The following NTNG1 variants were observed in gnomAD, a reference collection of about 807,000 sequenced individuals.
NTNG1 encodes netrin-G1.
A neutral mutation model predicts 54.0 loss-of-function variants in NTNG1; 16 were observed. The observed-to-expected ratio is 0.30, with a 90% confidence interval of 0.20 to 0.45. NTNG1 has a LOEUF of 0.45. Ranked by LOEUF, NTNG1 falls within the 20% of genes least tolerant of loss-of-function variation. NTNG1 has a pLI of 1.00. For synonymous variants in NTNG1, 255 were observed against 263.1 expected (o/e 0.97, Z 0.30); for missense variants, 530 against 678.7 (o/e 0.78, Z 2.43).
intron 2 of NTNG1, among the ~76,000 whole-genome samples, chr1:107,306,456 G>A (rs962745378): frequency 2.0e-5 from 3 of 152,148 alleles, no homozygotes; most frequent in Non-Finnish European, 1.5e-5. Context: ...CATGACAAAA[G>A]AGTGGAAGTG....
chr1:107,155,316 C>T (rs761856720), intron 2 of NTNG1, among the ~76,000 whole-genome samples: 2 of 151,976 alleles, frequency 1.3e-5, no homozygotes, highest in East Asian at 1.9e-4. Context: ...TGGCATAGTC[C>T]GTGCTCTTCT....
At chr1:107,184,436 C>T (rs550176693) in intron 2 of NTNG1, among the ~76,000 whole-genome samples, 3 of 152,170 alleles carry the variant, frequency 2.0e-5, no homozygotes, top group Middle Eastern at 3.4e-3. Context: ...AGTAAATGGC[C>T]GGTTGTTGCC....
chr1:107,273,067 TG>T (rs756137002), intron 2 of NTNG1, among the ~76,000 whole-genome samples: 48 of 152,348 alleles, frequency 3.2e-4, no homozygotes, highest in Non-Finnish European at 5.9e-4. Flanking sequence ...AGGAATCAAA[TG>T]CATATCTATT....
chr1:107,316,638 T>C (rs1015200998), intron 2 of NTNG1, among the ~76,000 whole-genome samples: 1 of 152,210 alleles, frequency 6.6e-6, no homozygotes, highest in Non-Finnish European at 1.5e-5. Context: ...CATTGAATTA[T>C]GTACCAAGAG....
intron 2 of NTNG1, among the ~76,000 whole-genome samples, chr1:107,227,657 G>GTCTC (rs1217808636): frequency 1.4e-5 from 2 of 141,364 alleles, no homozygotes; most frequent in Non-Finnish European, 3.0e-5. Context: ...TTCTCAATCT[G>GTCTC]TCTCTCTCGC....
Position 107,480,750 on chromosome 1 carries a change from C to T in NTNG1, c.1530C>T (p.Ser510=), listed in dbSNP as rs1267600585. 9 of 1,607,874 alleles carry T rather than the reference C, an allele frequency of 5.6e-6. No homozygotes were observed. Among genetic ancestry groups the T allele is most frequent in the Admixed American group, 1.7e-5 (1 of 59,706 alleles). The change falls in exon 8 of 8, where the codon TCC becomes TCT. Residue 510 remains serine, a synonymous_variant. Transcript: ENST00000370068. The part of the protein sequence containing the change: ...LRCEEAGSCG[S]DSGQGAPPHG... ...GCGAGGAGGCTGGCAGCTGCGGCTC[C>T]GACTCTGGCCAGGGCGCGCCCCCGC...
chr1:107,418,176 G>A (rs1350102317), intron 5 of NTNG1, among the ~76,000 whole-genome samples: 1 of 151,998 alleles, frequency 6.6e-6, no homozygotes, highest in African/African-American at 2.4e-5. Flanking sequence ...AATGCAACCA[G>A]TTCATATCTG....
At chr1:107,216,584 C>T (rs10881457) in intron 2 of NTNG1, among the ~76,000 whole-genome samples, 142,567 of 152,192 alleles carry the variant, frequency 0.94, 67,434 homozygotes, top group East Asian at 1. Flanking sequence ...TTTAGGTTCA[C>T]CAGGGATATT....
intron 2 of NTNG1, among the ~76,000 whole-genome samples, chr1:107,286,323 C>T (rs1037361062): frequency 2.0e-5 from 3 of 152,134 alleles, no homozygotes; most frequent in African/African-American, 7.2e-5. Flanking sequence ...AGTAACAACT[C>T]TATGCTTTGT....
chr1:107,313,905 T>C (rs1176071220), intron 2 of NTNG1, among the ~76,000 whole-genome samples: 1 of 152,186 alleles, frequency 6.6e-6, no homozygotes. Context: ...AAAATTGATA[T>C]ACCATTTGTT....
chr1:107,368,340 AC>A (rs954429281), intron 3 of NTNG1, among the ~76,000 whole-genome samples: 48 of 152,270 alleles, frequency 3.2e-4, no homozygotes, highest in African/African-American at 9.1e-4. Flanking sequence ...AAAAAAAAAA[AC>A]ATTGGTGGCA....
At position 107,349,327 on chromosome 1, in the gene NTNG1, CTA is replaced by C. The variant is rs1227983540; in HGVS notation, c.887+24407_887+24408del. 2.0e-5 allele frequency among the ~76,000 whole-genome samples: 3 copies of C among 152,012 alleles called. No individual in the cohort carries two copies. In the East Asian group the frequency reaches 5.8e-4, roughly 29 times the overall value. Reference sequence around the variant, plus strand: ...ACTGAGCTCTGTATAAAATAATAATCTATTTTTTAATTTATTTTAAATTTTTT... The same window carrying C: ...ACTGAGCTCTGTATAAAATAATAATCTTTTTTAATTTATTTTAAATTTTTT... On this transcript the variant is annotated intron_variant, in intron 3 of 7. Transcript: ENST00000370068.
At chr1:107,206,747 T>C (rs1474540093) in intron 2 of NTNG1, among the ~76,000 whole-genome samples, 2 of 152,156 alleles carry the variant, frequency 1.3e-5, no homozygotes, top group Admixed American at 6.5e-5. Flanking sequence ...GCCTAGTATA[T>C]ATTGGGTTTT....
Position 107,484,892 on chromosome 1 carries a change from T to C in NTNG1, c.*4052T>C, listed in dbSNP as rs149292385. Among the ~76,000 whole-genome samples the C allele has an allele frequency of 9.2e-5, 14 of 152,316 alleles. No homozygotes were observed. In the East Asian group the frequency reaches 2.5e-3, roughly 27 times the overall value. ...GTTAAACACTAAATAAAATACCTGT[T>C]TAACAGATTCTCTGCTCACAGGATT... On this transcript the variant is annotated 3_prime_UTR_variant, in exon 8 of 8. Transcript: ENST00000370068.
chr1:107,242,176 G>T (rs1035356238), intron 2 of NTNG1, among the ~76,000 whole-genome samples: 14 of 152,194 alleles, frequency 9.2e-5, no homozygotes, highest in Non-Finnish European at 1.8e-4. Context: ...TGGAGGAGGG[G>T]GGGTGAGGGG....
intron 3 of NTNG1, among the ~76,000 whole-genome samples, chr1:107,338,400 C>T (rs1323859840): frequency 6.6e-6 from 1 of 151,798 alleles, no homozygotes; most frequent in Non-Finnish European, 1.5e-5. Flanking sequence ...TAGCTCACTC[C>T]CCATAGTGTG....
chr1:107,237,054 G>A (rs1377380596), intron 2 of NTNG1, among the ~76,000 whole-genome samples: 19 of 152,202 alleles, frequency 1.2e-4, no homozygotes, highest in Admixed American at 1.2e-3. Context: ...AAGAAGACAG[G>A]AAAATGTGGG....
At position 107,426,713 on chromosome 1, in the gene NTNG1, G is replaced by A. The variant is rs544345603; in HGVS notation, c.1088-4037G>A. On this transcript the variant is annotated intron_variant, in intron 5 of 7. Coordinates refer to ENST00000370068, the MANE Select transcript of NTNG1 (RefSeq NM_001113226.3). The stretch of plus-strand genomic sequence containing the variant: ...CTTCAGGATTGGTTTTTCTGATTCT[G>A]TGAAAAATGACATTGGAAATTTGAT... Among the ~76,000 whole-genome samples the A allele has an allele frequency of 3.3e-5, 5 of 152,102 alleles. No homozygotes were observed. In the South Asian group the frequency reaches 1.0e-3, roughly 32 times the overall value.
intron 3 of NTNG1, among the ~76,000 whole-genome samples, chr1:107,376,437 A>AAC (rs1196379719): frequency 3.4e-4 from 51 of 150,680 alleles, no homozygotes; most frequent in Admixed American, 1.3e-3. Flanking sequence ...AACAAAAAAA[A>AAC]AAAATTTGCT....
Sources: gnomAD v4.1 joint callset for allele counts (sites outside exome capture counted in the v4.1 genomes callset) on GRCh38, gnomAD v4.1.1 for gene constraint, MANE v1.5 for transcripts, NCBI Gene and HGNC (gene_info 2026-07-23, HGNC 2026-07-21) for gene names.